GOSR1: variants seen among roughly 807,000 people sequenced by gnomAD.
The protein encoded by GOSR1 is golgi SNAP receptor complex member 1, also known as 28 kDa Golgi SNARE protein.
GOSR1 carries 21 observed loss-of-function variants against 35.5 expected under a neutral mutation model. The observed-to-expected ratio is 0.59, with a 90% CI of 0.42 to 0.85. The LOEUF is 0.85. Ranked by LOEUF, GOSR1 falls within the 40% of genes least tolerant of loss-of-function variation. The pLI is 0.00. For missense variants in GOSR1, 285 were observed against 309.6 expected (o/e 0.92, Z 0.60); for synonymous variants, 94 against 106.6 (o/e 0.88, Z 0.73).
intron 2 of GOSR1, among the ~76,000 whole-genome samples, chr17:30,481,571 C>T (rs193179564): frequency 6.6e-6 from 1 of 151,746 alleles, no homozygotes; most frequent in Non-Finnish European, 1.5e-5. Flanking sequence ...CTGATTTGCC[C>T]GTGTGGCATG....
chr17:30,494,893 G>A (rs977795785), intron 6 of GOSR1, among the ~76,000 whole-genome samples: 3 of 150,336 alleles, frequency 2.0e-5, no homozygotes, highest in Admixed American at 6.6e-5. Flanking sequence ...CAGGCGTGAG[G>A]CAATGTGCCC....
intron 6 of GOSR1, among the ~76,000 whole-genome samples, chr17:30,508,265 AT>A (rs1269151986): frequency 2.0e-5 from 3 of 151,982 alleles, no homozygotes; most frequent in African/African-American, 7.3e-5. Context: ...TATTTCATTT[AT>A]TTTATCTTCA....
In GOSR1 at chr17:30,525,103, C is replaced by T. The variant is rs576208682; in HGVS notation, c.*2725C>T. ...CCAACATCTACACTGCTGCTCTTCA[C>T]CATTGGAATTCACTGTGGTATTTAT... On this transcript the variant is annotated 3_prime_UTR_variant, in exon 9 of 9. Coordinates refer to ENST00000451249, the MANE Select transcript of GOSR1 (RefSeq NM_001007025.2). The T allele has an allele frequency of 6.6e-6, 1 of 152,342 alleles. No homozygotes were observed. Among genetic ancestry groups the T allele is most frequent in the Admixed American group, 6.5e-5 (1 of 15,308 alleles). 9.4% of individuals were successfully genotyped at this position (152,342 alleles called of 1,614,324 possible).
At chr17:30,481,741 T>G (rs1567895473) in intron 2 of GOSR1, among the ~76,000 whole-genome samples, 1 of 152,228 alleles carries the variant, frequency 6.6e-6, no homozygotes, top group African/African-American at 2.4e-5. Flanking sequence ...GGTACTTTTT[T>G]GGGAAACTAG....
At chr17:30,517,487 C>T (rs770535842) in intron 7 of GOSR1, among the ~76,000 whole-genome samples, 6 of 152,252 alleles carry the variant, frequency 3.9e-5, no homozygotes, top group Admixed American at 6.5e-5. Context: ...ATAAACACCC[C>T]TTCGTGTTAA....
At chr17:30,490,353 T>A (rs1914963446) in intron 5 of GOSR1, 136 bp downstream of exon 5, 2 of 552,726 alleles carry the variant, frequency 3.6e-6, no homozygotes, top group Admixed American at 3.0e-5. Flanking sequence ...TCACTGTCTT[T>A]TTAACATTGC....
At chr17:30,521,275 C>T (rs911870695) in intron 8 of GOSR1, among the ~76,000 whole-genome samples, 2 of 148,482 alleles carry the variant, frequency 1.3e-5, no homozygotes, top group African/African-American at 5.0e-5. Flanking sequence ...TCCAGCCTCT[C>T]AGGTTCATGC....
rs567086685 is a variant in GOSR1 at position 30,523,492 on chromosome 17, C to T, written c.*1114C>T. 17 of 159,770 alleles carry T rather than the reference C, an allele frequency of 1.1e-4. No individual in the cohort carries two copies. The highest frequency in any genetic ancestry group is 2.0e-4 in the Admixed American group (3 of 15,324). The allele number at this position is 159,770 out of a possible 1,614,324, so 9.9% of individuals were successfully genotyped here. On this transcript the variant is annotated 3_prime_UTR_variant, in exon 9 of 9. Coordinates refer to ENST00000451249, the MANE Select transcript of GOSR1 (RefSeq NM_001007025.2). Reference sequence around the variant, plus strand: ...CCATCTGGGAAGTGAGGAGCGTCTACGCCCGGGCAGCTGCCCCGTCCGGGA... The same window carrying T: ...CCATCTGGGAAGTGAGGAGCGTCTATGCCCGGGCAGCTGCCCCGTCCGGGA...
chr17:30,500,097 T>G (rs1415898096), intron 6 of GOSR1, among the ~76,000 whole-genome samples: 4 of 152,178 alleles, frequency 2.6e-5, no homozygotes, highest in Non-Finnish European at 5.9e-5. Flanking sequence ...AGATAAAGGT[T>G]TTGCAAGTAT....
intron 1 of GOSR1, chr17:30,479,927 G>A (rs1288831484): frequency 6.6e-6 from 1 of 152,142 alleles, no homozygotes; most frequent in East Asian, 1.9e-4. Context: ...GAGCAGCCTG[G>A]GCAACATTGT....
intron 6 of GOSR1, among the ~76,000 whole-genome samples, chr17:30,497,368 G>A (rs1967040358): frequency 6.6e-6 from 1 of 152,130 alleles, no homozygotes; most frequent in South Asian, 2.1e-4. Flanking sequence ...TGGATTGGTA[G>A]TATAGTGAAA....
At chr17:30,478,729 G>A (rs1351497920) in intron 1 of GOSR1, 1 of 152,020 alleles carries the variant, frequency 6.6e-6, no homozygotes, top group Non-Finnish European at 1.5e-5. Flanking sequence ...GCTAATTTTT[G>A]TATTTTTAGT....
chr17:30,504,026 CT>C (rs535749512), intron 6 of GOSR1, among the ~76,000 whole-genome samples: 4,409 of 137,156 alleles, frequency 0.032, 164 homozygotes, highest in African/African-American at 0.1. Context: ...TTTCATTTAA[CT>C]TTTTTTTTTT....
Position 30,519,829 on chromosome 17 carries a change from C to T in GOSR1, c.540-110C>T. The T allele has an allele frequency of 5.9e-6, 4 of 681,926 alleles. No individual in the cohort carries two copies. The South Asian group carries it at 7.4e-5, about 13-fold the overall frequency. The allele number at this position is 681,926 out of a possible 1,614,324, so 42.2% of individuals were successfully genotyped here. A position where few individuals can be genotyped will look rare whatever the true frequency, so the allele number is the denominator to read the frequency against. On this transcript the variant is annotated intron_variant, in intron 7 of 8. Coordinates refer to ENST00000451249, the MANE Select transcript of GOSR1 (RefSeq NM_001007025.2). ...TTTCCCCTTATTTTCTGGCACAGTG[C>T]TTTCTAAGATGATGTTGCTCACTGT... is the stretch of plus-strand genomic sequence containing the variant.
In GOSR1 at chr17:30,502,764, CTTTGTT is replaced by C. The variant is rs1229981925; in HGVS notation, c.510-8113_510-8108del. Among the ~76,000 whole-genome samples the C allele has an allele frequency of 2.0e-5, 3 of 152,320 alleles. No homozygotes were observed. The East Asian group carries it at 5.8e-4, about 29-fold the overall frequency. ...GGTTACAGCTGGTTTCCACTTTCATCTTTGTTTTCCTGTATTTTCCAAATGTGCTCT... is the reference window on the plus strand; with the variant it reads ...GGTTACAGCTGGTTTCCACTTTCATCTTCCTGTATTTTCCAAATGTGCTCT... On this transcript the variant is annotated intron_variant, in intron 6 of 8. Coordinates refer to ENST00000451249, the MANE Select transcript of GOSR1 (RefSeq NM_001007025.2).
At chr17:30,483,553 C>G (rs1914485610) in intron 2 of GOSR1, among the ~76,000 whole-genome samples, 1 of 152,084 alleles carries the variant, frequency 6.6e-6, no homozygotes, top group East Asian at 1.9e-4. Flanking sequence ...TTTGCCACAC[C>G]CAGGCACTGT....
intron 6 of GOSR1, among the ~76,000 whole-genome samples, chr17:30,507,270 A>T (rs1241902943): frequency 6.6e-6 from 1 of 152,238 alleles, no homozygotes; most frequent in African/African-American, 2.4e-5. Flanking sequence ...AGATGCCATT[A>T]AGAACATTCA....
Position 30,522,328 on chromosome 17 carries a change from G to A in GOSR1, c.697G>A (p.Gly233Ser). ...GCGGCGGGACTCGCTCATCCTAGGG[G>A]GTGTTATTGGGATCTGTACCATCCT... Reference protein sequence around the residue: ...RKRRDSLILGGVIGICTILLL... With the variant: ...RKRRDSLILGSVIGICTILLL... Residue 233 changes from glycine to serine, a missense_variant, in exon 9 of 9, where the codon GGT (glycine) becomes AGT (serine). By Grantham distance (56) the Gly-to-Ser change is moderately conservative. Transcript: ENST00000451249. 1 of 1,609,878 alleles carries A rather than the reference G, an allele frequency of 6.2e-7. No homozygotes were observed. The highest frequency in any genetic ancestry group is 8.5e-7 in the Non-Finnish European group (1 of 1,177,674).
intron 6 of GOSR1, among the ~76,000 whole-genome samples, chr17:30,500,718 G>A (rs1372745017): frequency 1.3e-5 from 2 of 152,048 alleles, no homozygotes; most frequent in Non-Finnish European, 2.9e-5. Context: ...TGGGTCCTAT[G>A]CACTTCCATA....
Sources: gnomAD v4.1 joint callset for allele counts (sites outside exome capture counted in the v4.1 genomes callset) on GRCh38, gnomAD v4.1.1 for gene constraint, MANE v1.5 for transcripts, NCBI Gene and HGNC (gene_info 2026-07-23, HGNC 2026-07-21) for gene names.